Variants in SLC16A7 observed in about 807,000 individuals in gnomAD.
SLC16A7 encodes solute carrier family 16 member 7, also known as monocarboxylate transporter 2.
In SLC16A7, 33 loss-of-function variants were observed where a neutral mutation model predicts 34.9. The ratio of observed to expected loss-of-function variants is 0.94; its 90% CI spans 0.72 to 1.26. SLC16A7 has a LOEUF of 1.26. Ranked by LOEUF, SLC16A7 falls within the 50% of genes most tolerant of loss-of-function variation. The pLI is 0.00. For synonymous variants in SLC16A7, 201 were observed against 206.6 expected (o/e 0.97, Z 0.23); for missense variants, 573 against 578.1 (o/e 0.99, Z 0.09).
intron 3 of SLC16A7, among the ~76,000 whole-genome samples, chr12:59,743,046 A>G (rs1372776631): frequency 3.3e-5 from 5 of 152,222 alleles, no homozygotes; most frequent in African/African-American, 4.8e-5. Context: ...GAACTTAATT[A>G]TGTATAATGC....
intron 1 of SLC16A7, among the ~76,000 whole-genome samples, chr12:59,619,043 G>A (rs1879584445): frequency 6.6e-6 from 1 of 151,962 alleles, no homozygotes; most frequent in Non-Finnish European, 1.5e-5. Flanking sequence ...AGCCCTAAAT[G>A]TTAAATGTAT....
At chr12:59,682,458 T>C (rs2076759704) in intron 2 of SLC16A7, among the ~76,000 whole-genome samples, 1 of 152,190 alleles carries the variant, frequency 6.6e-6, no homozygotes, top group Admixed American at 6.5e-5. Context: ...ATATAAATGA[T>C]TTATTCACTG....
rs1880933202 is a variant in SLC16A7 at position 59,760,803 on chromosome 12, GA to G, written c.218-10414del. On this transcript the variant is annotated intron_variant, in intron 3 of 5. Transcript: ENST00000547379. ...GAACAGTGCACAATTTAAAACTTATGAATTATTTATTTCTGGAATTTTCCAT... is the reference window on the plus strand; with the variant it reads ...GAACAGTGCACAATTTAAAACTTATGATTATTTATTTCTGGAATTTTCCAT... 3.3e-5 allele frequency among the ~76,000 whole-genome samples: 5 copies of G among 151,992 alleles called. No individual in the cohort carries two copies. In the South Asian group the frequency reaches 1.0e-3, roughly 31 times the overall value.
chr12:59,675,809 C>T (rs1429479761), intron 2 of SLC16A7, among the ~76,000 whole-genome samples: 1 of 151,962 alleles, frequency 6.6e-6, no homozygotes, highest in Non-Finnish European at 1.5e-5. Flanking sequence ...GATCAGATGT[C>T]CTGATGTTAT....
chr12:59,648,359 T>G (rs1375989272), intron 1 of SLC16A7, among the ~76,000 whole-genome samples: 1 of 152,204 alleles, frequency 6.6e-6, no homozygotes, highest in Non-Finnish European at 1.5e-5. Context: ...GACATAGGCA[T>G]GAGGGACTTG....
chr12:59,716,677 G>A (rs1341443404), intron 3 of SLC16A7, among the ~76,000 whole-genome samples: 1 of 151,994 alleles, frequency 6.6e-6, no homozygotes, highest in African/African-American at 2.4e-5. Context: ...GTGAAACCCT[G>A]CCTCTACCCA....
intron 2 of SLC16A7, among the ~76,000 whole-genome samples, chr12:59,699,618 A>C (rs528445288): frequency 6.6e-6 from 1 of 151,856 alleles, no homozygotes; most frequent in South Asian, 2.1e-4. Context: ...ATCTAACTGG[A>C]GACAGTCCAA....
intron 2 of SLC16A7, among the ~76,000 whole-genome samples, chr12:59,668,790 C>T (rs1869428348): frequency 6.6e-6 from 1 of 152,114 alleles, no homozygotes; most frequent in Admixed American, 6.5e-5. Flanking sequence ...ATTCAAATCT[C>T]AAATTTTAGT....
intron 2 of SLC16A7, among the ~76,000 whole-genome samples, chr12:59,667,204 G>A (rs139859146): frequency 1.4e-3 from 206 of 152,260 alleles, no homozygotes; most frequent in African/African-American, 4.6e-3. Flanking sequence ...ACAACACGTG[G>A]GAATTCTGGG....
chr12:59,611,289 C>T (rs903829999), intron 1 of SLC16A7, among the ~76,000 whole-genome samples: 1 of 152,204 alleles, frequency 6.6e-6, no homozygotes, highest in Non-Finnish European at 1.5e-5. Context: ...ACATGTCCTT[C>T]TTCACATGGC....
At chr12:59,738,050 A>T (rs1877805593) in intron 3 of SLC16A7, among the ~76,000 whole-genome samples, 1 of 152,146 alleles carries the variant, frequency 6.6e-6, no homozygotes, top group South Asian at 2.1e-4. Context: ...ATCCTTAAAG[A>T]TCTCTAGGCT....
chr12:59,657,559 G>C (rs1208643033), intron 2 of SLC16A7, among the ~76,000 whole-genome samples: 1 of 151,978 alleles, frequency 6.6e-6, no homozygotes, highest in East Asian at 1.9e-4. Flanking sequence ...TGAGAGAGGA[G>C]TCTCTTAAAT....
chr12:59,611,295 A>G (rs945204217), intron 1 of SLC16A7, among the ~76,000 whole-genome samples: 3 of 152,210 alleles, frequency 2.0e-5, no homozygotes, highest in African/African-American at 4.8e-5. Flanking sequence ...CCTTCTTCAC[A>G]TGGCAGCAGG....
chr12:59,766,313 G>C (rs978110027), intron 3 of SLC16A7, among the ~76,000 whole-genome samples: 1 of 151,968 alleles, frequency 6.6e-6, no homozygotes, highest in Non-Finnish European at 1.5e-5. Context: ...CTAATTGAAT[G>C]CCGTTTATTT....
intron 2 of SLC16A7, among the ~76,000 whole-genome samples, chr12:59,675,135 C>T (rs541256940): frequency 6.6e-6 from 1 of 152,156 alleles, no homozygotes; most frequent in Non-Finnish European, 1.5e-5. Flanking sequence ...ATCCTTAAGA[C>T]CTGATGAGAG....
chr12:59,665,630 G>A (rs1011878597), intron 2 of SLC16A7, among the ~76,000 whole-genome samples: 1 of 151,964 alleles, frequency 6.6e-6, no homozygotes, highest in African/African-American at 2.4e-5. Context: ...CACAGCTGGT[G>A]TCTAAAAATA....
At chr12:59,622,715 G>A (rs1002886852) in intron 1 of SLC16A7, among the ~76,000 whole-genome samples, 3 of 151,840 alleles carry the variant, frequency 2.0e-5, no homozygotes, top group African/African-American at 7.2e-5. Flanking sequence ...TTCTGCACTG[G>A]TAGAAATATT....
intron 1 of SLC16A7, among the ~76,000 whole-genome samples, chr12:59,643,600 C>A (rs1041883611): frequency 1.1e-4 from 16 of 152,110 alleles, no homozygotes; most frequent in Admixed American, 2.6e-4. Context: ...TTTTATTAAG[C>A]AGATTACAGA....
chr12:59,688,919 G>A (rs1275275582), intron 2 of SLC16A7, among the ~76,000 whole-genome samples: 4 of 151,754 alleles, frequency 2.6e-5, no homozygotes, highest in Non-Finnish European at 5.9e-5. Flanking sequence ...ATTAATTTAA[G>A]TACTGTATAT....
Sources: gnomAD v4.1 joint callset for allele counts (sites outside exome capture counted in the v4.1 genomes callset) on GRCh38, gnomAD v4.1.1 for gene constraint, MANE v1.5 for transcripts, NCBI Gene and HGNC (gene_info 2026-07-23, HGNC 2026-07-21) for gene names.